Variants in MAGI2 observed in about 807,000 individuals in gnomAD.
MAGI2 encodes the protein membrane associated guanylate kinase, WW and PDZ domain containing 2.
A neutral mutation model predicts 133.3 loss-of-function variants in MAGI2; 35 were observed. The ratio of observed to expected loss-of-function variants is 0.26; its 90% CI spans 0.20 to 0.35. MAGI2 has a LOEUF of 0.35. Among genes scored for constraint, MAGI2 ranks in the 10% least tolerant of loss-of-function variants. The probability of loss-of-function intolerance (pLI) is 1.00; values close to 1 mark genes in which losing one functional copy is unlikely to be tolerated. For missense variants in MAGI2, 1,636 were observed against 1,863.4 expected (o/e 0.88, Z 2.25); for synonymous variants, 729 against 710.6 (o/e 1.03, Z -0.41).
intron 20 of MAGI2, among the ~76,000 whole-genome samples, chr7:78,116,794 C>T (rs1272600154): frequency 6.6e-6 from 1 of 151,958 alleles, no homozygotes; most frequent in Admixed American, 6.6e-5. Flanking sequence ...GGGAGGATTA[C>T]TTGAGCTCAG....
intron 11 of MAGI2, among the ~76,000 whole-genome samples, chr7:78,198,336 C>G (rs1227646025): frequency 6.6e-6 from 1 of 151,716 alleles, no homozygotes; most frequent in Admixed American, 6.6e-5. Flanking sequence ...TATGAACGGA[C>G]AGCCACTGAA....
At chr7:79,437,234 T>G (rs939555688) in intron 1 of MAGI2, among the ~76,000 whole-genome samples, 11 of 152,152 alleles carry the variant, frequency 7.2e-5, no homozygotes, top group African/African-American at 2.7e-4. Flanking sequence ...AAAAACTACC[T>G]GTTGGGTACT....
chr7:78,234,652 T>C (rs146007526), intron 10 of MAGI2, among the ~76,000 whole-genome samples: 4 of 126,218 alleles, frequency 3.2e-5, no homozygotes, highest in African/African-American at 1.1e-4. Context: ...ATATTTCATA[T>C]TCCACAGTAT....
At chr7:78,580,850 C>T (rs140753602) in intron 3 of MAGI2, among the ~76,000 whole-genome samples, 16 of 152,330 alleles carry the variant, frequency 1.1e-4, no homozygotes, top group East Asian at 5.8e-4. Flanking sequence ...AAAGTTCTGT[C>T]TGTCCTGTCT....
chr7:78,164,512 G>A (rs1438780349), intron 15 of MAGI2, among the ~76,000 whole-genome samples: 1 of 150,162 alleles, frequency 6.7e-6, no homozygotes, highest in East Asian at 2.0e-4. Flanking sequence ...ACTCATCAAG[G>A]CAGACAGCTT....
chr7:79,301,533 T>C (rs1406432561), intron 1 of MAGI2, among the ~76,000 whole-genome samples: 1 of 152,216 alleles, frequency 6.6e-6, no homozygotes, highest in Admixed American at 6.5e-5. Flanking sequence ...TGTACTCCCA[T>C]TGTATCTTGG....
At chr7:78,605,752 G>A (rs1044529712) in intron 3 of MAGI2, among the ~76,000 whole-genome samples, 1 of 152,148 alleles carries the variant, frequency 6.6e-6, no homozygotes, top group African/African-American at 2.4e-5. Flanking sequence ...TAATATTTTA[G>A]GGGAAGTTCA....
intron 2 of MAGI2, among the ~76,000 whole-genome samples, chr7:78,968,427 G>GTT (rs201480375): frequency 4.1e-4 from 59 of 142,660 alleles, no homozygotes; most frequent in South Asian, 2.0e-3. Flanking sequence ...TTTGTCATCA[G>GTT]TTTTTTTTTT....
At chr7:78,804,845 A>G (rs1419997268) in intron 2 of MAGI2, among the ~76,000 whole-genome samples, 3 of 150,904 alleles carry the variant, frequency 2.0e-5, no homozygotes, top group Non-Finnish European at 4.4e-5. Context: ...AGGCGGGTGG[A>G]TCACCTAAGA....
chr7:78,342,739 C>T (rs1045380867), intron 9 of MAGI2, among the ~76,000 whole-genome samples: 28 of 152,114 alleles, frequency 1.8e-4, no homozygotes, highest in Non-Finnish European at 2.8e-4. Context: ...TGTTCTTACT[C>T]ATAAGTGGGA....
intron 1 of MAGI2, among the ~76,000 whole-genome samples, chr7:79,452,022 A>G (rs1453605036): frequency 6.6e-6 from 1 of 152,180 alleles, no homozygotes; most frequent in East Asian, 1.9e-4. Flanking sequence ...AATCTCCCCA[A>G]ATCCACATCA....
chr7:78,489,902 A>AAT (rs2150490858), intron 5 of MAGI2, 62 bp from the exon 6 acceptor site: 6 of 1,153,060 alleles, frequency 5.2e-6, no homozygotes, highest in Non-Finnish European at 7.0e-6. Flanking sequence ...TTTATTCCTT[A>AAT]AGAAAAAAAA....
chr7:78,023,498 G>A (rs761001884), intron 21 of MAGI2, among the ~76,000 whole-genome samples: 7 of 152,090 alleles, frequency 4.6e-5, no homozygotes, highest in South Asian at 2.1e-4. Context: ...CATCGTTCAC[G>A]TTCTGAGATG....
intron 1 of MAGI2, among the ~76,000 whole-genome samples, chr7:79,042,838 T>C (rs1050974699): frequency 2.0e-5 from 3 of 151,974 alleles, no homozygotes; most frequent in South Asian, 4.1e-4. Context: ...TAATTGGCCA[T>C]AAAACAATTC....
intron 3 of MAGI2, among the ~76,000 whole-genome samples, chr7:78,574,025 A>G (rs916883426): frequency 2.0e-5 from 3 of 152,136 alleles, no homozygotes; most frequent in Non-Finnish European, 4.4e-5. Context: ...TATTTCTCCA[A>G]TTTCTCCAAA....
At chr7:78,475,430 T>C (rs1203523511) in intron 6 of MAGI2, among the ~76,000 whole-genome samples, 1 of 151,880 alleles carries the variant, frequency 6.6e-6, no homozygotes, top group Non-Finnish European at 1.5e-5. Flanking sequence ...TTATTAAGTA[T>C]AAGAAATATT....
chr7:78,939,575 A>T (rs997031533), intron 2 of MAGI2, among the ~76,000 whole-genome samples: 1 of 152,174 alleles, frequency 6.6e-6, no homozygotes. Flanking sequence ...ATTTGTTCTT[A>T]ATTTCATGAG....
At chr7:78,794,549 T>A (rs925529219) in intron 2 of MAGI2, among the ~76,000 whole-genome samples, 1 of 152,016 alleles carries the variant, frequency 6.6e-6, no homozygotes, top group African/African-American at 2.4e-5. Flanking sequence ...TTCTTCAGCT[T>A]AGATTTTACT....
intron 7 of MAGI2, among the ~76,000 whole-genome samples, chr7:78,365,593 A>G (rs1157232280): frequency 6.6e-6 from 1 of 152,156 alleles, no homozygotes; most frequent in Non-Finnish European, 1.5e-5. Flanking sequence ...TGTGATAGAA[A>G]CTGTTAAGCA....
Sources: gnomAD v4.1 joint callset for allele counts (sites outside exome capture counted in the v4.1 genomes callset) on GRCh38, gnomAD v4.1.1 for gene constraint, MANE v1.5 for transcripts, NCBI Gene and HGNC (gene_info 2026-07-23, HGNC 2026-07-21) for gene names.